CCDC18: variants seen among roughly 807,000 people sequenced by gnomAD.
CCDC18 encodes coiled-coil domain containing 18.
Under a neutral mutation model 196.0 loss-of-function variants are expected in CCDC18, and 157 were observed. That is an observed-to-expected ratio of 0.80 (90% confidence interval 0.70 to 0.91). The LOEUF is 0.91. Among genes scored for constraint, CCDC18 ranks in the 40% least tolerant of loss-of-function variants. The probability of loss-of-function intolerance (pLI) is 0.00; values close to 1 mark genes in which losing one functional copy is unlikely to be tolerated. For synonymous variants in CCDC18, 482 were observed against 529.2 expected (o/e 0.91, Z 1.22); for missense variants, 1,465 against 1,611.6 (o/e 0.91, Z 1.56).
At chr1:93,239,165 T>G in intron 19 of CCDC18, 145 bp from the exon 20 acceptor site, 1 of 588,410 alleles carries the variant, frequency 1.7e-6, no homozygotes, top group Non-Finnish European at 2.9e-6. Context: ...AGTTGGAGAA[T>G]TTTTAAAAAT....
chr1:93,180,970 C>A, intron 1 of CCDC18, 118 bp downstream of exon 1: 1 of 992,194 alleles, frequency 1.0e-6, no homozygotes, highest in Non-Finnish European at 1.4e-6. Flanking sequence ...TGCGCTGGGA[C>A]TGGTCCTCGT....
chr1:93,260,099 G>A (rs1467082524), intron 26 of CCDC18, among the ~76,000 whole-genome samples: 1 of 152,108 alleles, frequency 6.6e-6, no homozygotes, highest in African/African-American at 2.4e-5. Context: ...AAAAGCACAC[G>A]CCAGCCGGGC....
intron 21 of CCDC18, among the ~76,000 whole-genome samples, chr1:93,245,084 C>T (rs1057257477): frequency 2.0e-5 from 3 of 152,108 alleles, no homozygotes; most frequent in African/African-American, 7.2e-5. Context: ...AAACTCAGAT[C>T]AGAGACATTT....
intron 10 of CCDC18, among the ~76,000 whole-genome samples, chr1:93,211,679 G>T (rs571411746): frequency 1.8e-4 from 27 of 152,244 alleles, no homozygotes; most frequent in Non-Finnish European, 3.5e-4. Context: ...AAATGGATTT[G>T]TGTAATTACT....
chr1:93,263,019 C>G (rs138088139), intron 26 of CCDC18, among the ~76,000 whole-genome samples: 1 of 152,246 alleles, frequency 6.6e-6, no homozygotes, highest in East Asian at 1.9e-4. Flanking sequence ...ATGGTCTGAG[C>G]TGTACCTTGA....
At chr1:93,228,690 T>A (rs1658785044) in intron 17 of CCDC18, among the ~76,000 whole-genome samples, 3 of 151,758 alleles carry the variant, frequency 2.0e-5, no homozygotes, top group Non-Finnish European at 4.4e-5. Flanking sequence ...TTTTTTTTTT[T>A]ACTATGATCA....
intron 3 of CCDC18, among the ~76,000 whole-genome samples, chr1:93,186,018 C>T (rs60079850): frequency 0.092 from 13,961 of 151,886 alleles, 1,997 homozygotes; most frequent in African/African-American, 0.31. Context: ...TATATCTGCA[C>T]GTGAAAAAGT....
chr1:93,257,975 G>T (rs778403098), intron 25 of CCDC18, among the ~76,000 whole-genome samples: 7 of 151,466 alleles, frequency 4.6e-5, no homozygotes, highest in Non-Finnish European at 8.8e-5. Context: ...CTCCTACCTG[G>T]TCTTTCACCA....
intron 26 of CCDC18, among the ~76,000 whole-genome samples, chr1:93,259,592 T>TGGG (rs1663493148): frequency 6.6e-6 from 1 of 152,154 alleles, no homozygotes; most frequent in South Asian, 2.1e-4. Context: ...TTTTTGTGAG[T>TGGG]GATTGGTAGG....
intron 12 of CCDC18, among the ~76,000 whole-genome samples, chr1:93,215,487 T>G (rs1358414199): frequency 6.6e-6 from 1 of 151,592 alleles, no homozygotes; most frequent in African/African-American, 2.4e-5. Context: ...GACAGGGTCT[T>G]GCTCTGTTGC....
At chr1:93,214,453 A>T (rs1656164314) in intron 11 of CCDC18, among the ~76,000 whole-genome samples, 1 of 152,242 alleles carries the variant, frequency 6.6e-6, no homozygotes, top group African/African-American at 2.4e-5. Flanking sequence ...CTATTAAAAA[A>T]TGGAATTTAA....
chr1:93,193,609 T>C lies in CCDC18; in HGVS notation c.570-7T>C. 6.4e-7 allele frequency: 1 copy of C among 1,567,954 alleles called. No homozygotes were observed. The highest frequency in any genetic ancestry group is 8.6e-7 in the Non-Finnish European group (1 of 1,159,484). The stretch of plus-strand genomic sequence containing the variant: ...TAGTCTTAAACAAAGTATCCTTTAT[T>C]TTATAGAGAGGCAGAAAATAAGCTG... On this transcript the variant is annotated splice_region_variant and splice_polypyrimidine_tract_variant and intron_variant, in intron 5 of 28. Transcript: ENST00000690025.
In CCDC18 at chr1:93,207,269, A is replaced by T; in HGVS notation, c.1080A>T (p.Leu360Phe). 1 of 1,613,722 alleles carries T rather than the reference A, an allele frequency of 6.2e-7. No individual in the cohort carries two copies. Among genetic ancestry groups the T allele is most frequent in the Non-Finnish European group, 8.5e-7 (1 of 1,179,728 alleles). The change falls in exon 9 of 29, where the codon TTA (leucine) becomes TTT (phenylalanine). Residue 360 changes from leucine to phenylalanine, a missense_variant. By Grantham distance (22) the Leu-to-Phe change is conservative. Coordinates refer to ENST00000690025, the MANE Select transcript of CCDC18 (RefSeq NM_001378204.1). Reference protein sequence around the residue: ...KDEILRDKFSLMNENRELKVR... With the variant: ...KDEILRDKFSFMNENRELKVR... ...AAATACTTAGAGACAAATTTTCTTTAATGAATGAAAACCGAGAATTAAAGG... is the reference window on the plus strand; with the variant it reads ...AAATACTTAGAGACAAATTTTCTTTTATGAATGAAAACCGAGAATTAAAGG...
chr1:93,218,737 T>C (rs1656915803), intron 14 of CCDC18, among the ~76,000 whole-genome samples: 1 of 152,106 alleles, frequency 6.6e-6, no homozygotes, highest in South Asian at 2.1e-4. Flanking sequence ...GTCAAACTCC[T>C]GACCTCGTGA....
At chr1:93,260,697 C>A (rs1663664776) in intron 26 of CCDC18, among the ~76,000 whole-genome samples, 1 of 151,742 alleles carries the variant, frequency 6.6e-6, no homozygotes, top group Admixed American at 6.6e-5. Flanking sequence ...TATACACATG[C>A]CATGGTGGTT....
rs911772839 is a variant in CCDC18, at chr1:93,254,452, T to A, written c.3199-19T>A. ...ATTTCATTAATTTTACTGATACTGC[T>A]TATCTGTTTAAAATTCAGATAGAAA... is the stretch of plus-strand genomic sequence containing the variant. On this transcript the variant is annotated intron_variant, in intron 23 of 28. Transcript: ENST00000690025. 1 of 1,524,862 alleles carries A rather than the reference T, an allele frequency of 6.6e-7. No individual in the cohort carries two copies. The allele number at this position is 1,524,862 out of a possible 1,614,324, so 94.5% of individuals were successfully genotyped here.
intron 23 of CCDC18, among the ~76,000 whole-genome samples, chr1:93,248,206 C>T (rs772730672): frequency 2.4e-4 from 37 of 151,224 alleles, no homozygotes; most frequent in South Asian, 8.4e-4. Context: ...GTAGAGACGG[C>T]GTTTCACCAT....
chr1:93,234,080 T>C (rs1280390124), intron 18 of CCDC18, among the ~76,000 whole-genome samples: 1 of 152,212 alleles, frequency 6.6e-6, no homozygotes, highest in East Asian at 1.9e-4. Flanking sequence ...TTGATTATGA[T>C]TCTTGTTCCT....
At chr1:93,182,233 G>A (rs558067386) in intron 1 of CCDC18, among the ~76,000 whole-genome samples, 4 of 152,304 alleles carry the variant, frequency 2.6e-5, no homozygotes, top group Middle Eastern at 3.4e-3. Flanking sequence ...TTTCCATAAG[G>A]TGGGAGTTTT....
Sources: gnomAD v4.1 joint callset for allele counts (sites outside exome capture counted in the v4.1 genomes callset) on GRCh38, gnomAD v4.1.1 for gene constraint, MANE v1.5 for transcripts, NCBI Gene and HGNC (gene_info 2026-07-23, HGNC 2026-07-21) for gene names.